CELF4: variants seen among roughly 807,000 people sequenced by gnomAD.
CELF4 encodes the protein CUGBP Elav-like family member 4, also known as CUG-BP- and ETR-3-like factor 4.
In CELF4, 18 loss-of-function variants were observed where a neutral mutation model predicts 59.9. That is an observed-to-expected ratio of 0.30 (90% CI 0.21 to 0.45). CELF4 has a LOEUF of 0.45. Among genes scored for constraint, CELF4 ranks in the 20% least tolerant of loss-of-function variants. The probability of loss-of-function intolerance (pLI) is 1.00; values close to 1 mark genes in which losing one functional copy is unlikely to be tolerated. For missense variants in CELF4, 456 were observed against 689.0 expected, an observed-to-expected ratio of 0.66 and a Z score of 3.79; for synonymous variants, 261 against 267.1, an observed-to-expected ratio of 0.98 and a Z score of 0.22.
At chr18:37,279,148 G>C (rs973258731) in intron 3 of CELF4, among the ~76,000 whole-genome samples, 1 of 152,200 alleles carries the variant, frequency 6.6e-6, no homozygotes, top group African/African-American at 2.4e-5. Flanking sequence ...TGGTCCCCAT[G>C]TTCTGGTGAG....
At chr18:37,534,677 G>T (rs1019366526) in intron 1 of CELF4, among the ~76,000 whole-genome samples, 1 of 152,048 alleles carries the variant, frequency 6.6e-6, no homozygotes, top group Non-Finnish European at 1.5e-5. Flanking sequence ...ACTATATTCC[G>T]ACACATAGAA....
intron 2 of CELF4, among the ~76,000 whole-genome samples, chr18:37,485,121 A>T (rs2099878012): frequency 6.6e-6 from 1 of 152,106 alleles, no homozygotes; most frequent in African/African-American, 2.4e-5. Context: ...CTCCTTAAAT[A>T]AACCGCGGTG....
chr18:37,334,286 G>T (rs994611051), intron 2 of CELF4, among the ~76,000 whole-genome samples: 7 of 152,204 alleles, frequency 4.6e-5, no homozygotes, highest in Non-Finnish European at 1.0e-4. Flanking sequence ...GCTGCCCCCA[G>T]TGCTGGGCCA....
chr18:37,551,155 A>G (rs985794159), intron 1 of CELF4, among the ~76,000 whole-genome samples: 1 of 152,098 alleles, frequency 6.6e-6, no homozygotes, highest in African/African-American at 2.4e-5. Flanking sequence ...CCTGCAGGGA[A>G]CTGAGTTTTT....
chr18:37,554,974 A>G (rs1672917895), intron 1 of CELF4, among the ~76,000 whole-genome samples: 1 of 152,128 alleles, frequency 6.6e-6, no homozygotes, highest in African/African-American at 2.4e-5. Flanking sequence ...TTCCCACCCT[A>G]CCAGCAATGC....
At chr18:37,317,280 C>T (rs1024473958) in intron 3 of CELF4, among the ~76,000 whole-genome samples, 4 of 152,128 alleles carry the variant, frequency 2.6e-5, no homozygotes, top group Non-Finnish European at 5.9e-5. Flanking sequence ...CCAGCTACTC[C>T]GGAGGCTGAG....
rs1049029922 is a variant in CELF4, at chr18:37,449,175, A to G, written c.369+36350T>C. 8.5e-5 allele frequency among the ~76,000 whole-genome samples: 13 copies of G among 152,214 alleles called. No individual in the cohort carries two copies. In the East Asian group the frequency reaches 2.5e-3, roughly 30 times the overall value. On this transcript the variant is annotated intron_variant, in intron 2 of 12. Coordinates refer to ENST00000420428, the MANE Select transcript of CELF4 (RefSeq NM_020180.4). Reference sequence around the variant, plus strand: ...AGGAAAGAGATGGCTTCAGGATTGGAGATCAGGGAGGGCTGCAAGGAGGAG... The same window carrying G: ...AGGAAAGAGATGGCTTCAGGATTGGGGATCAGGGAGGGCTGCAAGGAGGAG...
intron 2 of CELF4, among the ~76,000 whole-genome samples, chr18:37,377,878 G>A (rs1468954467): frequency 6.6e-6 from 1 of 152,142 alleles, no homozygotes; most frequent in African/African-American, 2.4e-5. Flanking sequence ...GGGAAGATAG[G>A]CAGTGCTCTC....
intron 1 of CELF4, among the ~76,000 whole-genome samples, chr18:37,517,595 C>T (rs138531850): frequency 3.5e-4 from 53 of 152,284 alleles, no homozygotes; most frequent in African/African-American, 1.2e-3. Context: ...TTGGTCGCCC[C>T]GTGTCTAACA....
At chr18:37,271,908 C>T (rs2091464858) in intron 7 of CELF4, among the ~76,000 whole-genome samples, 2 of 152,254 alleles carry the variant, frequency 1.3e-5, no homozygotes, top group South Asian at 4.2e-4. Flanking sequence ...TACTGAAAGC[C>T]CAGAGGCTGG....
chr18:37,457,699 C>G (rs893766794), intron 2 of CELF4, among the ~76,000 whole-genome samples: 1 of 152,184 alleles, frequency 6.6e-6, no homozygotes, highest in East Asian at 1.9e-4. Context: ...TTCCTTTCTC[C>G]CACTCACTGG....
intron 2 of CELF4, among the ~76,000 whole-genome samples, chr18:37,458,365 C>T (rs1361113764): frequency 6.6e-6 from 1 of 152,202 alleles, no homozygotes; most frequent in African/African-American, 2.4e-5. Context: ...GGATGTACCA[C>T]TAGTGGAGAT....
intron 3 of CELF4, among the ~76,000 whole-genome samples, chr18:37,291,886 T>C (rs2095357618): frequency 6.6e-6 from 1 of 152,092 alleles, no homozygotes; most frequent in Non-Finnish European, 1.5e-5. Context: ...AAGGCCTGTG[T>C]TCCCTGCTGT....
intron 3 of CELF4, among the ~76,000 whole-genome samples, chr18:37,284,612 A>G (rs753396648): frequency 1.3e-5 from 2 of 152,200 alleles, no homozygotes; most frequent in Non-Finnish European, 2.9e-5. Context: ...CGCCCCAGCC[A>G]GCACTGCTCA....
At chr18:37,485,438 T>A in intron 2 of CELF4, 87 bp downstream of exon 2, 7 of 755,026 alleles carry the variant, frequency 9.3e-6, no homozygotes, top group Non-Finnish European at 1.2e-5. Flanking sequence ...TGCCGTCCTC[T>A]CCCCGCGCGC....
At chr18:37,542,714 T>G (rs1356689295) in intron 1 of CELF4, among the ~76,000 whole-genome samples, 1 of 152,214 alleles carries the variant, frequency 6.6e-6, no homozygotes, top group Non-Finnish European at 1.5e-5. Flanking sequence ...CCTCTCTTAT[T>G]ATTATGATTA....
intron 1 of CELF4, among the ~76,000 whole-genome samples, chr18:37,519,090 G>A (rs1243287414): frequency 2.0e-5 from 3 of 152,170 alleles, no homozygotes; most frequent in Non-Finnish European, 2.9e-5. Flanking sequence ...GGTCCTGAGA[G>A]CCCACAGACA....
chr18:37,384,892 C>T (rs924297659), intron 2 of CELF4, among the ~76,000 whole-genome samples: 19 of 152,214 alleles, frequency 1.2e-4, no homozygotes, highest in Admixed American at 2.6e-4. Context: ...CACCTGCCCT[C>T]CTCAGTGGAC....
In CELF4 at chr18:37,357,516, T is replaced by C. The variant is rs552492881; in HGVS notation, c.370-35635A>G. On this transcript the variant is annotated intron_variant, in intron 2 of 12. Transcript: ENST00000420428. ...TGGGGTCCTCATGGAGAACCTCTGCTAGGGCAGTGCAGAAGGGAAATGTGG... is the reference window on the plus strand; with the variant it reads ...TGGGGTCCTCATGGAGAACCTCTGCCAGGGCAGTGCAGAAGGGAAATGTGG... Among the ~76,000 whole-genome samples, 7 of 152,330 alleles carry C rather than the reference T, an allele frequency of 4.6e-5. No individual in the cohort carries two copies. In the East Asian group the frequency reaches 5.8e-4, roughly 13 times the overall value.
Sources: gnomAD v4.1 joint callset for allele counts (sites outside exome capture counted in the v4.1 genomes callset) on GRCh38, gnomAD v4.1.1 for gene constraint, MANE v1.5 for transcripts, NCBI Gene and HGNC (gene_info 2026-07-23, HGNC 2026-07-21) for gene names.